The following EPS15 variants were observed in gnomAD, a reference collection of about 807,000 sequenced individuals.
The protein encoded by EPS15 is epidermal growth factor receptor substrate 15.
A neutral mutation model predicts 113.8 loss-of-function variants in EPS15; 72 were observed. That is an observed-to-expected ratio of 0.63 (90% CI 0.52 to 0.77). The LOEUF is 0.77. Ranked by LOEUF, EPS15 falls within the 30% of genes least tolerant of loss-of-function variation. The pLI is 0.00. For synonymous variants in EPS15, 344 were observed against 363.4 expected (o/e 0.95, Z 0.61); for missense variants, 1,048 against 1,045.8 (o/e 1.00, Z -0.03).
At chr1:51,426,862 C>T (rs201290535) in intron 12 of EPS15, among the ~76,000 whole-genome samples, 132 of 134,082 alleles carry the variant, frequency 9.8e-4, no homozygotes, top group South Asian at 1.8e-3. Flanking sequence ...TACACACACA[C>T]ATATATATAT....
chr1:51,422,561 T>C (rs552652347), intron 12 of EPS15, among the ~76,000 whole-genome samples: 1 of 152,366 alleles, frequency 6.6e-6, no homozygotes, highest in Admixed American at 6.5e-5. Flanking sequence ...GCTTTTACTT[T>C]GAAACATCGT....
chr1:51,452,682 T>C (rs997022798), intron 8 of EPS15, among the ~76,000 whole-genome samples: 18 of 152,198 alleles, frequency 1.2e-4, no homozygotes, highest in African/African-American at 4.3e-4. Flanking sequence ...AGTGATACAG[T>C]GGGGTTCAAA....
In EPS15 at chr1:51,403,512, T is replaced by G. The variant is rs144030750; in HGVS notation, c.1698A>C (p.Leu566=). The G allele has an allele frequency of 4.3e-4, 694 of 1,603,432 alleles. 1 individual carries two copies. Among genetic ancestry groups the G allele is most frequent in the Middle Eastern group, 2.0e-3 (12 of 6,042 alleles). ...QESPARSSPE[L]LPSGVTDENE... ...TTTCATCAGTCACACCAGAAGGCAG[T>G]AGTTCAGGACTACTTCTTGCCTACA... Residue 566 remains leucine (L), a synonymous_variant, in exon 17 of 25, where the codon CTA becomes CTC. Transcript: ENST00000371733.
chr1:51,406,623 T>C (rs1254170666), intron 15 of EPS15, among the ~76,000 whole-genome samples: 3 of 152,152 alleles, frequency 2.0e-5, no homozygotes, highest in Admixed American at 6.6e-5. Flanking sequence ...AATTTTAGTA[T>C]ACATGGATTT....
At chr1:51,415,150 G>C (rs1650087390) in intron 13 of EPS15, among the ~76,000 whole-genome samples, 1 of 152,004 alleles carries the variant, frequency 6.6e-6, no homozygotes, top group South Asian at 2.1e-4. Flanking sequence ...TTAATAAACT[G>C]AACTATTTTT....
chr1:51,440,529 T>C, intron 11 of EPS15, 97 bp from the exon 12 acceptor site: 1 of 463,650 alleles, frequency 2.2e-6, no homozygotes, highest in Non-Finnish European at 3.8e-6. Flanking sequence ...ATATAAGGTA[T>C]TGCATATTTT....
chr1:51,465,565 GCT>G (rs1269778939), intron 5 of EPS15, among the ~76,000 whole-genome samples: 1 of 151,942 alleles, frequency 6.6e-6, no homozygotes, highest in Non-Finnish European at 1.5e-5. Flanking sequence ...ATGGAGTCTT[GCT>G]CTGTCGCCCA....
chr1:51,392,890 G>T (rs1473932726), intron 21 of EPS15, among the ~76,000 whole-genome samples: 1 of 152,060 alleles, frequency 6.6e-6, no homozygotes, highest in Admixed American at 6.6e-5. Flanking sequence ...ATTCTCTTAG[G>T]TTATCCTTTT....
At chr1:51,372,497 G>A in intron 21 of EPS15, 1 of 532,844 alleles carries the variant, frequency 1.9e-6, no homozygotes, top group Non-Finnish European at 3.8e-6. Flanking sequence ...TGGAAAACAT[G>A]TATGGAATGT....
chr1:51,510,192 C>A (rs752071481), intron 1 of EPS15, among the ~76,000 whole-genome samples: 1 of 152,204 alleles, frequency 6.6e-6, no homozygotes, highest in Non-Finnish European at 1.5e-5. Flanking sequence ...CTCCCCAATA[C>A]ACACAAACAC....
At chr1:51,398,931 G>A in intron 20 of EPS15, 101 bp downstream of exon 20, 1 of 1,027,356 alleles carries the variant, frequency 9.7e-7, no homozygotes, top group Non-Finnish European at 1.4e-6. Context: ...TCCATTAGAA[G>A]TAATCTAAAT....
At chr1:51,449,232 T>C (rs1399756174) in intron 8 of EPS15, among the ~76,000 whole-genome samples, 2 of 152,136 alleles carry the variant, frequency 1.3e-5, no homozygotes, top group East Asian at 3.8e-4. Flanking sequence ...ATGTGGTACA[T>C]ATACACCATG....
intron 2 of EPS15, among the ~76,000 whole-genome samples, chr1:51,479,879 C>T (rs1020108556): frequency 3.9e-5 from 6 of 152,126 alleles, no homozygotes; most frequent in African/African-American, 9.7e-5. Context: ...CCTAGCCTCA[C>T]GGGTAGTAAA....
rs2148332117 is a variant in EPS15, at chr1:51,355,410, A to C, written c.*1290T>G. The C allele has an allele frequency of 4.9e-6, 1 of 203,260 alleles. No homozygotes were observed. Among genetic ancestry groups the C allele is most frequent in the South Asian group, 1.9e-4 (1 of 5,286 alleles). The allele number at this position is 203,260 out of a possible 1,614,324, so 12.6% of individuals were successfully genotyped here. A position where few individuals can be genotyped will look rare whatever the true frequency, so the allele number is the denominator to read the frequency against. On this transcript the variant is annotated 3_prime_UTR_variant, in exon 25 of 25. Transcript: ENST00000371733. The stretch of plus-strand genomic sequence containing the variant: ...TAAGTCAGTAACCGTGTTAAACAAA[A>C]TTAAAATGACAAGTTACAGCTTACT...
At chr1:51,376,257 T>G (rs955769402) in intron 21 of EPS15, among the ~76,000 whole-genome samples, 1 of 152,168 alleles carries the variant, frequency 6.6e-6, no homozygotes. Flanking sequence ...AAATTGACAG[T>G]AGAAATAAAA....
intron 1 of EPS15, among the ~76,000 whole-genome samples, chr1:51,509,754 A>C (rs1479343250): frequency 6.6e-6 from 1 of 152,248 alleles, no homozygotes; most frequent in Admixed American, 6.5e-5. Flanking sequence ...ACTTTCCACT[A>C]TAACTTCGTG....
intron 13 of EPS15, among the ~76,000 whole-genome samples, chr1:51,410,780 G>GT (rs1452267907): frequency 3.3e-5 from 5 of 152,166 alleles, no homozygotes; most frequent in African/African-American, 1.2e-4. Context: ...AAACTTACAG[G>GT]TAAAAGGTCT....
chr1:51,364,971 A>G (rs1158973438), intron 22 of EPS15, among the ~76,000 whole-genome samples: 1 of 151,888 alleles, frequency 6.6e-6, no homozygotes, highest in Non-Finnish European at 1.5e-5. Context: ...CTGGGATTAC[A>G]GGTGCGTGCC....
chr1:51,482,640 A>G (rs1199587934), intron 1 of EPS15, among the ~76,000 whole-genome samples: 1 of 151,988 alleles, frequency 6.6e-6, no homozygotes, highest in African/African-American at 2.4e-5. Flanking sequence ...TAATTTTTGT[A>G]TTTTTAGTAG....
Sources: allele counts gnomAD v4.1 joint callset (sites outside exome capture counted in the v4.1 genomes callset), GRCh38; gene constraint gnomAD v4.1.1; transcripts MANE v1.5; gene names NCBI Gene and HGNC (gene_info 2026-07-23, HGNC 2026-07-21).